Variants in NOL4L observed in about 807,000 individuals in gnomAD.
The protein encoded by NOL4L is nucleolar protein 4 like.
Under a neutral mutation model 64.5 loss-of-function variants are expected in NOL4L, and 7 were observed. That is an observed-to-expected ratio of 0.11 (90% CI 0.06 to 0.20). The LOEUF (loss-of-function observed/expected upper bound fraction) is 0.20. NOL4L is among the 10% of genes least tolerant of loss of function. The pLI is 1.00. For synonymous variants in NOL4L, 413 were observed against 401.0 expected (o/e 1.03, Z -0.36); for missense variants, 680 against 967.1 (o/e 0.70, Z 3.94).
intron 1 of NOL4L, among the ~76,000 whole-genome samples, chr20:32,540,192 C>G (rs1302098290): frequency 6.6e-6 from 1 of 152,182 alleles, no homozygotes; most frequent in Non-Finnish European, 1.5e-5. Context: ...GGCCCACCAG[C>G]CATCCCAGGA....
chr20:32,524,842 C>T (rs1053869255), intron 2 of NOL4L, among the ~76,000 whole-genome samples: 1 of 151,952 alleles, frequency 6.6e-6, no homozygotes, highest in African/African-American at 2.4e-5. Context: ...CCCCTGCCCC[C>T]AAAAAAGGAA....
chr20:32,453,562 C>T lies in NOL4L; in HGVS notation c.1305+14G>A, dbSNP rs148477403. On this transcript the variant is annotated intron_variant, in intron 7 of 10. Coordinates refer to ENST00000621426, the MANE Select transcript of NOL4L (RefSeq NM_001256798.2). This position sits in a 1 kb window ranked among gnomAD's most constrained non-coding sequence, Gnocchi z 5.6. ...GCCCCCATCCCACCCCACCTGTTTC[C>T]GGCCGGTGCTCACGTTGAAGGCCTT... 2.5e-4 allele frequency: 410 copies of T among 1,613,810 alleles called. 2 individuals are homozygous for T. The African/African-American group carries it at 4.0e-3, about 16-fold the overall frequency.
chr20:32,536,884 G>GGGCCAGGGCGGCT (rs1256809192), intron 1 of NOL4L, among the ~76,000 whole-genome samples: 1 of 148,208 alleles, frequency 6.7e-6, no homozygotes, highest in Non-Finnish European at 1.5e-5. Context: ...CGGCTGCGGC[G>GGGCCAGGGCGGCT]GGCCAGGGCG....
intron 4 of NOL4L, among the ~76,000 whole-genome samples, chr20:32,484,780 G>C (rs2145502875): frequency 6.6e-6 from 1 of 152,194 alleles, no homozygotes; most frequent in South Asian, 2.1e-4. Flanking sequence ...CGGTCCCCCA[G>C]GCGGACAGAC....
At chr20:32,556,285 G>C (rs537835520) in intron 1 of NOL4L, among the ~76,000 whole-genome samples, 2 of 151,458 alleles carry the variant, frequency 1.3e-5, no homozygotes, top group Non-Finnish European at 2.9e-5. Context: ...GGGGGGGGGG[G>C]GTTTCCCTGG....
chr20:32,554,090 G>T (rs1452885661), intron 1 of NOL4L, among the ~76,000 whole-genome samples: 2 of 152,176 alleles, frequency 1.3e-5, no homozygotes, highest in African/African-American at 2.4e-5. Context: ...GGAGGCCAAG[G>T]CGGGCGGATC....
At chr20:32,466,588 G>A (rs1461174784) in intron 5 of NOL4L, among the ~76,000 whole-genome samples, 8 of 143,954 alleles carry the variant, frequency 5.6e-5, no homozygotes, top group Non-Finnish European at 8.9e-5. Flanking sequence ...GGAGGCCGCC[G>A]CCTGCTCATC....
At chr20:32,479,358 T>C (rs180918879) in intron 4 of NOL4L, among the ~76,000 whole-genome samples, 21 of 152,330 alleles carry the variant, frequency 1.4e-4, no homozygotes, top group African/African-American at 4.3e-4. Flanking sequence ...CTTTTTACTT[T>C]TCCCTTCAGG....
chr20:32,584,104 C>G (rs1412421151), intron 1 of NOL4L, among the ~76,000 whole-genome samples: 2 of 140,462 alleles, frequency 1.4e-5, no homozygotes, highest in African/African-American at 5.2e-5. Context: ...CTCCCCCCCC[C>G]CCACCCCGCG....
Position 32,456,304 on chromosome 20 carries a change from G to A in NOL4L, c.933C>T (p.Pro311=), listed in dbSNP as rs765736024. Residue 311 remains proline, a synonymous_variant, in exon 6 of 11, where the codon CCC becomes CCT. Transcript: ENST00000621426. ...CCACGGCGCCGTTGCCATTCATCTC[G>A]GGGAAGGCAGGGTCGCCCTGCGTGC... is the stretch of plus-strand genomic sequence containing the variant. ...SSSTQGDPAF[P]EMNGNGAVAP... 19 of 1,579,122 alleles carry A rather than the reference G, an allele frequency of 1.2e-5. No individual in the cohort carries two copies. Among genetic ancestry groups the A allele is most frequent in the South Asian group, 3.5e-5 (3 of 86,808 alleles).
intron 1 of NOL4L, among the ~76,000 whole-genome samples, chr20:32,539,187 C>T (rs1452435534): frequency 6.6e-6 from 1 of 152,198 alleles, no homozygotes; most frequent in Non-Finnish European, 1.5e-5. Context: ...AAGCACTGGG[C>T]ACACCCTGTC....
At chr20:32,554,818 G>A (rs573784115) in intron 1 of NOL4L, among the ~76,000 whole-genome samples, 25 of 152,322 alleles carry the variant, frequency 1.6e-4, no homozygotes, top group African/African-American at 5.5e-4. Context: ...AGGAAGGGAG[G>A]AGAAAGGGAC....
At chr20:32,572,790 C>G (rs1420917914) in intron 1 of NOL4L, among the ~76,000 whole-genome samples, 1 of 152,134 alleles carries the variant, frequency 6.6e-6, no homozygotes, top group African/African-American at 2.4e-5. Context: ...CTCCTGGAAG[C>G]CCCCCAGCCC....
At chr20:32,492,876 G>A (rs2016521532) in intron 4 of NOL4L, among the ~76,000 whole-genome samples, 1 of 152,220 alleles carries the variant, frequency 6.6e-6, no homozygotes, top group African/African-American at 2.4e-5. Context: ...AGAAGCTGCT[G>A]GCTGTGCTGG....
chr20:32,561,482 T>C (rs1283421666), intron 1 of NOL4L, among the ~76,000 whole-genome samples: 3 of 152,076 alleles, frequency 2.0e-5, no homozygotes, highest in Non-Finnish European at 4.4e-5. Flanking sequence ...GCCCAAAGGA[T>C]CTGGGCAGGG....
intron 4 of NOL4L, among the ~76,000 whole-genome samples, chr20:32,486,986 C>T (rs1281407815): frequency 6.6e-6 from 1 of 152,242 alleles, no homozygotes; most frequent in East Asian, 1.9e-4. Flanking sequence ...AGAGAAATAA[C>T]AGCCGGGTGC....
In NOL4L at chr20:32,527,836, G is replaced by T. The variant is rs1343913782; in HGVS notation, c.399C>A (p.Ile133=). 1 of 1,550,628 alleles carries T rather than the reference G, an allele frequency of 6.4e-7. No individual in the cohort carries two copies. The change falls in exon 2 of 11, where the codon ATC becomes ATA. Residue 133 remains isoleucine, a synonymous_variant. Transcript: ENST00000621426. ...VAVVEDFFDI[I]YSMHVESSAE... ...CTGAGCTCTCCACATGCATCGAGTA[G>T]ATGATGTCAAAGAAATCTTCCACCA...
At chr20:32,481,274 G>A (rs771687508) in intron 4 of NOL4L, among the ~76,000 whole-genome samples, 2 of 152,136 alleles carry the variant, frequency 1.3e-5, no homozygotes, top group Non-Finnish European at 2.9e-5. Flanking sequence ...GGCCTCGCTG[G>A]TACCCTCAGA....
intron 3 of NOL4L, chr20:32,519,249 G>A (rs1331470251): frequency 1.3e-5 from 2 of 152,232 alleles, no homozygotes; most frequent in East Asian, 3.8e-4. Context: ...CAAGGGCATG[G>A]AAGCCTCTGG....
Sources: gnomAD v4.1 joint callset for allele counts (sites outside exome capture counted in the v4.1 genomes callset) on GRCh38, gnomAD v4.1.1 for gene constraint, Gnocchi (gnomAD v3.1) non-coding constraint, MANE v1.5 for transcripts, NCBI Gene and HGNC (gene_info 2026-07-23, HGNC 2026-07-21) for gene names.